Variants in GRID2 observed in about 807,000 individuals in gnomAD.
GRID2 encodes glutamate ionotropic receptor delta type subunit 2.
GRID2 carries 33 observed loss-of-function variants against 114.8 expected under a neutral mutation model. The observed-to-expected ratio is 0.29, with a 90% CI of 0.22 to 0.38. The LOEUF is 0.38. Among genes scored for constraint, GRID2 ranks in the 10% least tolerant of loss-of-function variants. GRID2 has a pLI of 1.00. For synonymous variants in GRID2, 505 were observed against 449.9 expected (o/e 1.12, Z -1.55); for missense variants, 1,184 against 1,257.7 (o/e 0.94, Z 0.89).
At chr4:93,387,419 GAAGA>G (rs1174669478) in intron 8 of GRID2, among the ~76,000 whole-genome samples, 6 of 152,058 alleles carry the variant, frequency 3.9e-5, no homozygotes, top group Non-Finnish European at 7.4e-5. Context: ...CTGCTCTCAG[GAAGA>G]AAGACAGTTG....
chr4:92,546,559 C>T (rs569821314), intron 1 of GRID2, among the ~76,000 whole-genome samples: 11 of 152,244 alleles, frequency 7.2e-5, no homozygotes, highest in East Asian at 1.9e-4. Flanking sequence ...TGTGTGCGCG[C>T]GCGTGTGCAT....
intron 8 of GRID2, among the ~76,000 whole-genome samples, chr4:93,377,861 A>T (rs1029356919): frequency 1.1e-4 from 17 of 152,308 alleles, no homozygotes; most frequent in African/African-American, 3.4e-4. Context: ...CTGGAAAAAA[A>T]AAATGAATCT....
intron 4 of GRID2, among the ~76,000 whole-genome samples, chr4:93,124,608 T>G (rs1734108757): frequency 6.6e-6 from 1 of 152,190 alleles, no homozygotes. Flanking sequence ...TCCCAGAACT[T>G]AATCAATTCC....
intron 8 of GRID2, among the ~76,000 whole-genome samples, chr4:93,326,005 T>G (rs903067777): frequency 3.3e-5 from 5 of 152,186 alleles, no homozygotes; most frequent in African/African-American, 9.7e-5. Context: ...TTAAAACTTC[T>G]TTGGCTTGTG....
At chr4:92,326,606 C>T (rs1726610853) in intron 1 of GRID2, among the ~76,000 whole-genome samples, 1 of 151,856 alleles carries the variant, frequency 6.6e-6, no homozygotes, top group Admixed American at 6.6e-5. Context: ...TTCATGGTCA[C>T]CTATAAAAAC....
intron 2 of GRID2, among the ~76,000 whole-genome samples, chr4:92,952,704 C>A (rs1752120637): frequency 6.6e-6 from 1 of 152,198 alleles, no homozygotes; most frequent in African/African-American, 2.4e-5. Flanking sequence ...GTAGTAGTAT[C>A]TTTCTCACCT....
intron 14 of GRID2, among the ~76,000 whole-genome samples, chr4:93,690,547 T>C (rs904719184): frequency 5.3e-5 from 8 of 151,968 alleles, no homozygotes; most frequent in African/African-American, 1.7e-4. Context: ...ACTGGCAAAT[T>C]GCTTTCCTAA....
intron 1 of GRID2, among the ~76,000 whole-genome samples, chr4:93,795,593 A>AT (rs1340217973): frequency 1.3e-5 from 2 of 152,088 alleles, no homozygotes; most frequent in Non-Finnish European, 2.9e-5. Flanking sequence ...GCTTGGTATA[A>AT]TTTTTTAGTT....
At chr4:92,359,522 A>G (rs1042444577) in intron 1 of GRID2, among the ~76,000 whole-genome samples, 1 of 151,944 alleles carries the variant, frequency 6.6e-6, no homozygotes. Flanking sequence ...GCACAGGAAA[A>G]GCCCAGCACA....
chr4:93,148,196 C>T (rs1276659407), intron 4 of GRID2, among the ~76,000 whole-genome samples: 2 of 152,190 alleles, frequency 1.3e-5, no homozygotes, highest in Non-Finnish European at 2.9e-5. Flanking sequence ...ATGATTAAAA[C>T]CCAGCTGACA....
At chr4:93,048,763 A>C (rs2149277833) in intron 2 of GRID2, among the ~76,000 whole-genome samples, 2 of 152,196 alleles carry the variant, frequency 1.3e-5, no homozygotes, top group East Asian at 3.9e-4. Flanking sequence ...TAGACTCTAT[A>C]CTTTTTGTTA....
intron 2 of GRID2, among the ~76,000 whole-genome samples, chr4:92,658,944 T>G (rs1285033620): frequency 6.8e-6 from 1 of 148,056 alleles, no homozygotes; most frequent in Non-Finnish European, 1.5e-5. Context: ...GTGCATTTCC[T>G]TTCCAGAAAA....
intron 2 of GRID2, among the ~76,000 whole-genome samples, chr4:92,923,883 G>T (rs189055560): frequency 6.6e-6 from 1 of 152,108 alleles, no homozygotes; most frequent in Non-Finnish European, 1.5e-5. Context: ...ATTTGACCCA[G>T]CAATCTGATT....
intron 13 of GRID2, among the ~76,000 whole-genome samples, chr4:93,524,807 A>ATG (rs1373366182): frequency 2.8e-3 from 216 of 75,960 alleles, no homozygotes; most frequent in Non-Finnish European, 4.3e-3. Context: ...ATATATATAT[A>ATG]TATATATGTA....
At chr4:92,817,457 C>A (rs1740987150) in intron 2 of GRID2, among the ~76,000 whole-genome samples, 1 of 152,084 alleles carries the variant, frequency 6.6e-6, no homozygotes, top group Admixed American at 6.6e-5. Context: ...TTACCAAAAC[C>A]TTTAAGTTCT....
At chr4:92,772,712 T>C (rs969969868) in intron 2 of GRID2, among the ~76,000 whole-genome samples, 10 of 152,154 alleles carry the variant, frequency 6.6e-5, no homozygotes, top group Admixed American at 1.3e-4. Context: ...TTGCCTGCAA[T>C]TTGAAACACA....
chr4:92,740,693 TA>T (rs34614817), intron 2 of GRID2, among the ~76,000 whole-genome samples: 1,492 of 17,220 alleles, frequency 0.087, 15 homozygotes, highest in East Asian at 0.18. Flanking sequence ...AGATAGATGA[TA>T]GATAGATAGA....
At chr4:92,822,388 G>A in intron 2 of GRID2, 1 of 605,158 alleles carries the variant, frequency 1.7e-6, no homozygotes, top group Non-Finnish European at 3.2e-6. Context: ...TCAGCTTGCA[G>A]TTAGCCAGAT....
At chr4:92,712,426 C>T (rs1193303259) in intron 2 of GRID2, among the ~76,000 whole-genome samples, 1 of 152,104 alleles carries the variant, frequency 6.6e-6, no homozygotes, top group East Asian at 1.9e-4. Context: ...ACTTGTATCA[C>T]ATTAGCACTT....
Sources: gnomAD v4.1 joint callset for allele counts (sites outside exome capture counted in the v4.1 genomes callset) on GRCh38, gnomAD v4.1.1 for gene constraint, MANE v1.5 for transcripts, NCBI Gene and HGNC (gene_info 2026-07-23, HGNC 2026-07-21) for gene names.